The following DPP6 variants were observed in gnomAD, a reference collection of about 807,000 sequenced individuals.
DPP6 encodes A-type potassium channel modulatory protein DPP6.
Under a neutral mutation model 122.6 loss-of-function variants are expected in DPP6, and 69 were observed. The ratio of observed to expected loss-of-function variants is 0.56; its 90% CI spans 0.46 to 0.69. DPP6 has a LOEUF of 0.69. Ranked by LOEUF, DPP6 falls within the 30% of genes least tolerant of loss-of-function variation. The pLI, the probability that DPP6 is intolerant of heterozygous loss-of-function variation, is 0.00. For synonymous variants in DPP6, 418 were observed against 433.1 expected (o/e 0.97, Z 0.43); for missense variants, 928 against 1,116.9 (o/e 0.83, Z 2.41).
intron 3 of DPP6, among the ~76,000 whole-genome samples, chr7:154,488,618 A>G (rs1003608089): frequency 5.3e-5 from 8 of 151,792 alleles, no homozygotes; most frequent in African/African-American, 1.7e-4. Context: ...CTTATTGATC[A>G]TGTGCAGAAT....
At chr7:154,627,266 G>T (rs191894154) in intron 5 of DPP6, among the ~76,000 whole-genome samples, 219 of 146,306 alleles carry the variant, frequency 1.5e-3, no homozygotes, top group African/African-American at 4.9e-3. Context: ...CGCGATCTCG[G>T]CTTACTGCAA....
intron 1 of DPP6, among the ~76,000 whole-genome samples, chr7:153,943,284 C>G (rs1251020671): frequency 1.3e-5 from 2 of 152,150 alleles, no homozygotes; most frequent in South Asian, 2.1e-4. Context: ...CTTCCCTTGC[C>G]TCTCAAATTC....
At chr7:154,198,023 T>C (rs1798957891) in intron 1 of DPP6, among the ~76,000 whole-genome samples, 1 of 152,182 alleles carries the variant, frequency 6.6e-6, no homozygotes, top group Non-Finnish European at 1.5e-5. Flanking sequence ...CAGAACCATT[T>C]TGGGGTTTCC....
intron 10 of DPP6, among the ~76,000 whole-genome samples, chr7:154,788,759 G>T (rs1797490653): frequency 6.6e-6 from 1 of 152,108 alleles, no homozygotes; most frequent in Non-Finnish European, 1.5e-5. Flanking sequence ...CGTCCTCTTT[G>T]TCTTTGGTTA....
At chr7:154,302,496 A>T (rs2150982095) in intron 1 of DPP6, among the ~76,000 whole-genome samples, 1 of 152,262 alleles carries the variant, frequency 6.6e-6, no homozygotes, top group South Asian at 2.1e-4. Context: ...TAATTCCTAA[A>T]CTTCCCCACC....
chr7:153,967,328 G>C (rs1443003109), intron 1 of DPP6, among the ~76,000 whole-genome samples: 7 of 152,134 alleles, frequency 4.6e-5, no homozygotes, highest in Non-Finnish European at 7.4e-5. Flanking sequence ...TTAGCTCTCA[G>C]TTTCTCTGAA....
At chr7:153,931,218 G>A (rs1433133550) in intron 1 of DPP6, among the ~76,000 whole-genome samples, 64 of 152,094 alleles carry the variant, frequency 4.2e-4, no homozygotes, top group Non-Finnish European at 1.5e-5. Context: ...AATCACTGTG[G>A]ATAAGAGTCA....
intron 1 of DPP6, among the ~76,000 whole-genome samples, chr7:154,138,264 C>G (rs1466083191): frequency 2.0e-5 from 3 of 152,162 alleles, no homozygotes; most frequent in East Asian, 3.9e-4. Context: ...ACACACTTCT[C>G]CAGAAGGAAC....
chr7:154,749,225 C>T lies in DPP6; in HGVS notation c.884-20192C>T, dbSNP rs13228644. ...TGAGAGAGGGTGAGGGAGCATAGGACAGGAGGGAGAGGGATGGAGGCTTTA... is the reference window on the plus strand; with the variant it reads ...TGAGAGAGGGTGAGGGAGCATAGGATAGGAGGGAGAGGGATGGAGGCTTTA... On this transcript the variant is annotated intron_variant, in intron 8 of 25. Coordinates refer to ENST00000377770, the MANE Select transcript of DPP6 (RefSeq NM_130797.4). Among the ~76,000 whole-genome samples, 154 of 66,966 alleles carry T rather than the reference C, an allele frequency of 2.3e-3. 4 individuals are homozygous for T. The highest frequency in any genetic ancestry group is 0.019 in the Middle Eastern group (1 of 54). The allele number at this position is 66,966 out of a possible 152,430, so 43.9% of individuals were successfully genotyped here. A position where few individuals can be genotyped will look rare whatever the true frequency, so the allele number is the denominator to read the frequency against.
At chr7:153,951,194 A>G (rs1479744730) in intron 1 of DPP6, among the ~76,000 whole-genome samples, 1 of 152,180 alleles carries the variant, frequency 6.6e-6, no homozygotes, top group African/African-American at 2.4e-5. Context: ...TGAGAAGTGA[A>G]AATCAGAGCC....
At chr7:153,769,607 G>A in the DPP6 span, among the ~76,000 whole-genome samples, 15 of 152,160 alleles carry the variant, frequency 9.9e-5, 1 homozygote, top group Admixed American at 9.8e-4. Flanking sequence ...ATTTAAACTT[G>A]GGAATCATCA....
chr7:154,786,895 G>A (rs1485353062), intron 10 of DPP6, among the ~76,000 whole-genome samples: 1 of 152,084 alleles, frequency 6.6e-6, no homozygotes, highest in Non-Finnish European at 1.5e-5. Context: ...CTGGAGCTCT[G>A]AGTCCCCATG....
At chr7:154,668,006 A>C (rs1054639913) in intron 6 of DPP6, among the ~76,000 whole-genome samples, 3 of 150,738 alleles carry the variant, frequency 2.0e-5, no homozygotes, top group African/African-American at 7.3e-5. Flanking sequence ...TGGTAGTTTT[A>C]TTCAGCCGTT....
intron 1 of DPP6, among the ~76,000 whole-genome samples, chr7:154,222,720 A>T (rs1585668810): frequency 6.7e-6 from 1 of 149,644 alleles, no homozygotes; most frequent in South Asian, 2.1e-4. Flanking sequence ...GAACTCTTTC[A>T]GTAAAATATC....
intron 1 of DPP6, among the ~76,000 whole-genome samples, chr7:154,123,888 G>A (rs185208154): frequency 1.3e-4 from 20 of 150,648 alleles, no homozygotes; most frequent in Admixed American, 1.3e-3. Flanking sequence ...GGACAGATGT[G>A]CCACCCGCTC....
At chr7:154,828,263 A>G (rs1800341829) in intron 16 of DPP6, among the ~76,000 whole-genome samples, 1 of 152,188 alleles carries the variant, frequency 6.6e-6, no homozygotes, top group Non-Finnish European at 1.5e-5. Flanking sequence ...TTCAGGGGGC[A>G]AAGTCCTTTG....
chr7:153,806,547 T>C, the DPP6 span, among the ~76,000 whole-genome samples: 1 of 151,706 alleles, frequency 6.6e-6, no homozygotes, highest in Non-Finnish European at 1.5e-5. Flanking sequence ...ATTTCATATA[T>C]ACATTTTTCA....
At chr7:154,192,492 C>A (rs1173777458) in intron 1 of DPP6, among the ~76,000 whole-genome samples, 1 of 152,226 alleles carries the variant, frequency 6.6e-6, no homozygotes, top group Non-Finnish European at 1.5e-5. Context: ...AAGGCCTCCA[C>A]TGAACTTAAA....
chr7:154,659,331 T>A (rs1170655480), intron 6 of DPP6, among the ~76,000 whole-genome samples: 1 of 152,258 alleles, frequency 6.6e-6, no homozygotes, highest in Non-Finnish European at 1.5e-5. Flanking sequence ...AGATAGTTGT[T>A]GTAATAACAT....
Sources: allele counts gnomAD v4.1 joint callset (sites outside exome capture counted in the v4.1 genomes callset), GRCh38; gene constraint gnomAD v4.1.1; transcripts MANE v1.5; gene names NCBI Gene and HGNC (gene_info 2026-07-23, HGNC 2026-07-21).